Variants in PCSK1 observed in about 807,000 individuals in gnomAD.
PCSK1 encodes neuroendocrine convertase 1.
Under a neutral mutation model 90.6 loss-of-function variants are expected in PCSK1, and 56 were observed. The observed-to-expected ratio is 0.62, with a 90% CI of 0.50 to 0.77. The LOEUF (loss-of-function observed/expected upper bound fraction) is 0.77, where lower values mean the gene tolerates loss of function less well. Ranked by LOEUF, PCSK1 falls within the 30% of genes least tolerant of loss-of-function variation. PCSK1 has a pLI of 0.00. For synonymous variants in PCSK1, 348 were observed against 342.4 expected (o/e 1.02, Z -0.18); for missense variants, 801 against 932.6 (o/e 0.86, Z 1.84).
chr5:96,424,693 T>A (rs912304804), intron 3 of PCSK1, among the ~76,000 whole-genome samples: 1 of 152,154 alleles, frequency 6.6e-6, no homozygotes, highest in Non-Finnish European at 1.5e-5. Context: ...CCCGGTGCGG[T>A]GGCTCATGCC....
chr5:96,432,592 G>A (rs1002429950), intron 1 of PCSK1, among the ~76,000 whole-genome samples: 1 of 152,202 alleles, frequency 6.6e-6, no homozygotes, highest in Admixed American at 6.5e-5. Context: ...GCGCGGGAAC[G>A]GATTTCAATT....
chr5:96,420,847 T>A (rs1446281520), intron 5 of PCSK1, among the ~76,000 whole-genome samples: 2 of 151,122 alleles, frequency 1.3e-5, no homozygotes, highest in Non-Finnish European at 3.0e-5. Context: ...TGGGTAACAG[T>A]CCAAGAGACA....
chr5:96,418,954 G>A (rs1761023213), intron 5 of PCSK1, among the ~76,000 whole-genome samples: 1 of 152,010 alleles, frequency 6.6e-6, no homozygotes, highest in Non-Finnish European at 1.5e-5. Context: ...GTTACTAAAT[G>A]AGAAGCTGTG....
At chr5:96,409,606 C>T (rs1378489634) in intron 8 of PCSK1, among the ~76,000 whole-genome samples, 1 of 152,172 alleles carries the variant, frequency 6.6e-6, no homozygotes, top group East Asian at 1.9e-4. Flanking sequence ...AAGGAACAGT[C>T]TGTGAAATGG....
intron 3 of PCSK1, among the ~76,000 whole-genome samples, chr5:96,425,344 A>C (rs1761274135): frequency 6.6e-6 from 1 of 152,242 alleles, no homozygotes; most frequent in Non-Finnish European, 1.5e-5. Flanking sequence ...AGACATTTGC[A>C]ATAGACTTTT....
intron 2 of PCSK1, among the ~76,000 whole-genome samples, chr5:96,426,804 T>C (rs1416881991): frequency 1.3e-5 from 2 of 152,032 alleles, no homozygotes; most frequent in Non-Finnish European, 2.9e-5. Context: ...ATGAATCAGC[T>C]CCAAAAATAA....
At chr5:96,415,749 T>C (rs1760919043) in intron 6 of PCSK1, among the ~76,000 whole-genome samples, 1 of 152,214 alleles carries the variant, frequency 6.6e-6, no homozygotes, top group African/African-American at 2.4e-5. Flanking sequence ...CAAACCATTC[T>C]AAATCAGAAC....
chr5:96,421,130 T>C (rs1201365455), intron 5 of PCSK1, among the ~76,000 whole-genome samples: 1 of 152,230 alleles, frequency 6.6e-6, no homozygotes, highest in Non-Finnish European at 1.5e-5. Context: ...TGAAGTTTCT[T>C]TGGGGCTAGG....
At chr5:96,405,321 T>C (rs1760524321) in intron 9 of PCSK1, among the ~76,000 whole-genome samples, 1 of 152,174 alleles carries the variant, frequency 6.6e-6, no homozygotes, top group Non-Finnish European at 1.5e-5. Flanking sequence ...CTATAAGCCA[T>C]TCCCCAGAAA....
intron 12 of PCSK1, among the ~76,000 whole-genome samples, chr5:96,396,275 T>C (rs1760138364): frequency 6.6e-6 from 1 of 152,166 alleles, no homozygotes; most frequent in Non-Finnish European, 1.5e-5. Flanking sequence ...CAAAAAGTTA[T>C]CTAGGCCGGG....
At chr5:96,426,342 G>A (rs155995) in intron 2 of PCSK1, among the ~76,000 whole-genome samples, 56,743 of 152,006 alleles carry the variant, frequency 0.37, 10,849 homozygotes, top group East Asian at 0.46. Context: ...CTGTTATAAT[G>A]CTTTTATAGA....
At chr5:96,425,008 A>AAAAGAAAGAAAAGAAAG in intron 3 of PCSK1, among the ~76,000 whole-genome samples, 1 of 117,518 alleles carries the variant, frequency 8.5e-6, no homozygotes, top group East Asian at 2.6e-4. Context: ...AGAAAGAAAG[A>AAAAGAAAGAAAAGAAAG]AAAGAAAGAA....
Position 96,421,976 on chromosome 5 carries a change from T to G in PCSK1, c.544-20A>C. 1 of 613,350 alleles carries G rather than the reference T, an allele frequency of 1.6e-6. No individual in the cohort carries two copies. The allele number at this position is 613,350 out of a possible 1,614,324, so 38.0% of individuals were successfully genotyped here. A position where few individuals can be genotyped will look rare whatever the true frequency, so the allele number is the denominator to read the frequency against. On this transcript the variant is annotated intron_variant, in intron 4 of 13. Transcript: ENST00000311106. ...TGGATCCTAAAGAGACAACAAAATA[T>G]AACACTGTGGCAGCATTAAAAAAAA...
At chr5:96,412,750 A>ATATTTT (rs1451878228) in intron 6 of PCSK1, among the ~76,000 whole-genome samples, 1 of 63,388 alleles carries the variant, frequency 1.6e-5, no homozygotes, top group African/African-American at 7.9e-5. Context: ...GGCAGCTGTG[A>ATATTTT]TGTTTTTTTT....
chr5:96,410,767 A>C lies in PCSK1; in HGVS notation c.1095+7T>G. On this transcript the variant is annotated splice_region_variant and intron_variant, in intron 8 of 13. Coordinates refer to ENST00000311106, the MANE Select transcript of PCSK1 (RefSeq NM_000439.5). ...TAAGCAGAGAGAATTAGACAAAAGC[A>C]ACATACGATTCTCTGGTCGGTGTAA... The C allele has an allele frequency of 6.2e-7, 1 of 1,609,628 alleles. No individual in the cohort carries two copies.
intron 10 of PCSK1, among the ~76,000 whole-genome samples, chr5:96,399,329 G>T (rs1366435347): frequency 6.6e-6 from 1 of 152,076 alleles, no homozygotes. Flanking sequence ...TTATCTAGAA[G>T]GCCTTCTGAA....
rs148178825 is a variant in PCSK1 at position 96,403,123 on chromosome 5, G to A, written c.1197-2937C>T. 7.2e-4 allele frequency among the ~76,000 whole-genome samples: 109 copies of A among 152,204 alleles called. 3 individuals are homozygous for A. In the East Asian group the frequency reaches 0.019, roughly 26 times the overall value. The stretch of plus-strand genomic sequence containing the variant: ...CTGATAATCATGATTATCACATATA[G>A]CATGTGTGTCCTATGTTTCTGTAGT... On this transcript the variant is annotated intron_variant, in intron 9 of 13. Transcript: ENST00000311106.
chr5:96,429,351 G>A lies in PCSK1; in HGVS notation c.181-34C>T, dbSNP rs116144890. On this transcript the variant is annotated intron_variant, in intron 1 of 13. Coordinates refer to ENST00000311106, the MANE Select transcript of PCSK1 (RefSeq NM_000439.5). ...GGAAAGAAATAAAATAAATATCCAC[G>A]TTCCCAAACAAGTATATATGGACTA... is the stretch of plus-strand genomic sequence containing the variant. 5.4e-3 allele frequency: 6,536 copies of A among 1,205,242 alleles called. 264 individuals are homozygous for A. In the African/African-American group the frequency reaches 0.086, roughly 16 times the overall value. 74.7% of individuals were successfully genotyped at this position (1,205,242 alleles called of 1,614,324 possible).
At position 96,392,886 on chromosome 5, in the gene PCSK1, A is replaced by C; in HGVS notation, c.*115T>G. On this transcript the variant is annotated 3_prime_UTR_variant, in exon 14 of 14. Coordinates refer to ENST00000311106, the MANE Select transcript of PCSK1 (RefSeq NM_000439.5). ...TTTAGGGAGAAAAAGAAAAGGTGCC[A>C]CAAAGGATATTATAAGCATAAGAAT... The C allele has an allele frequency of 1.9e-6, 2 of 1,073,714 alleles. No individual in the cohort carries two copies. The highest frequency in any genetic ancestry group is 1.3e-5 in the South Asian group (1 of 76,366). The allele number at this position is 1,073,714 out of a possible 1,614,324, so 66.5% of individuals were successfully genotyped here.
Sources: allele counts gnomAD v4.1 joint callset (sites outside exome capture counted in the v4.1 genomes callset), GRCh38; gene constraint gnomAD v4.1.1; transcripts MANE v1.5; gene names NCBI Gene and HGNC (gene_info 2026-07-23, HGNC 2026-07-21).